ZFAT: variants seen among roughly 807,000 people sequenced by gnomAD.
ZFAT encodes zinc finger and AT-hook domain containing.
ZFAT carries 64 observed loss-of-function variants against 117.7 expected under a neutral mutation model. That is an observed-to-expected ratio of 0.54 (90% CI 0.44 to 0.67). The LOEUF (loss-of-function observed/expected upper bound fraction) is 0.67. Among genes scored for constraint, ZFAT ranks in the 30% least tolerant of loss-of-function variants. The pLI is 0.00. For missense variants in ZFAT, 1,433 were observed against 1,584.5 expected, an observed-to-expected ratio of 0.90 and a Z score of 1.62; for synonymous variants, 679 against 615.0, an observed-to-expected ratio of 1.10 and a Z score of -1.54.
intron 2 of ZFAT, among the ~76,000 whole-genome samples, chr8:134,648,034 T>C (rs529760836): frequency 6.6e-6 from 1 of 152,154 alleles, no homozygotes; most frequent in East Asian, 1.9e-4. Context: ...TCTTAAATGT[T>C]TTCACCACGT....
chr8:134,579,654 A>C lies in ZFAT; in HGVS notation c.2887+4178T>G, dbSNP rs193255743. On this transcript the variant is annotated intron_variant, in intron 10 of 15. Transcript: ENST00000377838. ...GCCATAAGACTGCGGGGATCACCTA[A>C]GGTGTCAAGAAAAAAAGAACACATG... Among the ~76,000 whole-genome samples, 1,320 of 152,304 alleles carry C rather than the reference A, an allele frequency of 8.7e-3. 12 individuals carry two copies. Among genetic ancestry groups the C allele is most frequent in the Middle Eastern group, 0.017 (5 of 294 alleles).
At chr8:134,515,085 T>C (rs541898695) in intron 13 of ZFAT, among the ~76,000 whole-genome samples, 4 of 152,314 alleles carry the variant, frequency 2.6e-5, no homozygotes, top group Admixed American at 2.6e-4. Context: ...TGTGTTAGTT[T>C]GCTGAGAATG....
At chr8:134,734,648 T>G in the ZFAT span, among the ~76,000 whole-genome samples, 1 of 152,048 alleles carries the variant, frequency 6.6e-6, no homozygotes, top group Non-Finnish European at 1.5e-5. Flanking sequence ...CCCCCAGAAT[T>G]AGGCTGGTGG....
chr8:134,492,242 T>C (rs532844663), intron 15 of ZFAT, among the ~76,000 whole-genome samples: 86 of 152,318 alleles, frequency 5.6e-4, no homozygotes, highest in Non-Finnish European at 1.0e-3. Context: ...TGGTCTCCAA[T>C]TCCTCTTCCT....
chr8:134,501,865 A>G (rs1819005086), intron 15 of ZFAT, among the ~76,000 whole-genome samples: 1 of 152,202 alleles, frequency 6.6e-6, no homozygotes, highest in Non-Finnish European at 1.5e-5. Flanking sequence ...GAAAAATGGG[A>G]TGGACTTCAC....
At chr8:134,500,215 C>T (rs531574639) in intron 15 of ZFAT, among the ~76,000 whole-genome samples, 23 of 152,328 alleles carry the variant, frequency 1.5e-4, no homozygotes, top group Middle Eastern at 6.8e-3. Flanking sequence ...AACCGACCTG[C>T]CTTGGCTAAG....
intron 10 of ZFAT, among the ~76,000 whole-genome samples, chr8:134,569,512 T>C (rs1183830816): frequency 6.6e-6 from 1 of 150,790 alleles, no homozygotes; most frequent in Non-Finnish European, 1.5e-5. Context: ...CAGAAAAGAC[T>C]GCCCAAGAAG....
the ZFAT span, among the ~76,000 whole-genome samples, chr8:134,771,696 T>C: frequency 6.6e-6 from 1 of 152,230 alleles, no homozygotes; most frequent in African/African-American, 2.4e-5. Context: ...AGTTCCAAAG[T>C]TGCTTCCACA....
intron 10 of ZFAT, among the ~76,000 whole-genome samples, chr8:134,571,110 A>T (rs1382430181): frequency 2.6e-5 from 4 of 152,200 alleles, no homozygotes; most frequent in Non-Finnish European, 5.9e-5. Flanking sequence ...ATGAGAGTGG[A>T]CAAGACAGCA....
At chr8:134,630,811 G>A (rs1411424494) in intron 3 of ZFAT, among the ~76,000 whole-genome samples, 1 of 152,174 alleles carries the variant, frequency 6.6e-6, no homozygotes, top group Non-Finnish European at 1.5e-5. Context: ...AACTTGCCAT[G>A]GTTCAGGGTA....
chr8:134,658,965 G>A (rs544207621), intron 1 of ZFAT, among the ~76,000 whole-genome samples: 11 of 152,312 alleles, frequency 7.2e-5, no homozygotes, highest in East Asian at 1.9e-4. Flanking sequence ...CTGACTCGGC[G>A]CAACTCTGCA....
At chr8:134,630,628 A>G (rs1829821843) in intron 3 of ZFAT, among the ~76,000 whole-genome samples, 1 of 152,244 alleles carries the variant, frequency 6.6e-6, no homozygotes, top group African/African-American at 2.4e-5. Flanking sequence ...AAAAGTTCAG[A>G]AGTCACTTTT....
chr8:134,525,761 C>T (rs1377111131), intron 12 of ZFAT, among the ~76,000 whole-genome samples: 2 of 152,164 alleles, frequency 1.3e-5, no homozygotes, highest in Non-Finnish European at 2.9e-5. Flanking sequence ...AGGAGGGCAC[C>T]GAGGCAGAAG....
intron 2 of ZFAT, among the ~76,000 whole-genome samples, chr8:134,650,251 G>A (rs572312540): frequency 6.8e-4 from 103 of 151,086 alleles, no homozygotes; most frequent in African/African-American, 2.4e-3. Flanking sequence ...TCAGCCTCCC[G>A]AGAAGCTGGG....
chr8:134,688,756 C>T (rs1216459587), intron 1 of ZFAT, among the ~76,000 whole-genome samples: 2 of 152,126 alleles, frequency 1.3e-5, no homozygotes, highest in South Asian at 2.1e-4. Context: ...AAATTCTACC[C>T]GCATTTTCTA....
At chr8:134,594,651 G>C (rs942060898) in intron 7 of ZFAT, among the ~76,000 whole-genome samples, 1 of 152,104 alleles carries the variant, frequency 6.6e-6, no homozygotes, top group African/African-American at 2.4e-5. Flanking sequence ...AATTACTCTG[G>C]ACAGGCCCCT....
chr8:134,769,301 C>G, the ZFAT span, among the ~76,000 whole-genome samples: 2 of 152,294 alleles, frequency 1.3e-5, no homozygotes, highest in African/African-American at 4.8e-5. Context: ...GGGGGTATAG[C>G]CATTGGGTAA....
chr8:134,602,495 G>A lies in ZFAT; in HGVS notation c.1224C>T (p.Ile408=), dbSNP rs780002361. 122 of 1,613,778 alleles carry A rather than the reference G, an allele frequency of 7.6e-5. 2 individuals carry two copies. The South Asian group carries it at 1.3e-3, about 17-fold the overall frequency. Residue 408 remains isoleucine, a synonymous_variant, in exon 6 of 16, where the codon ATC becomes ATT. Coordinates refer to ENST00000377838, the MANE Select transcript of ZFAT (RefSeq NM_020863.4). The part of the protein sequence containing the change: ...GKRQLLYDCH[I]CERKFKNELD... The stretch of plus-strand genomic sequence containing the variant: ...GCTCGTTCTTGAACTTGCGCTCACA[G>A]ATGTGGCAGTCATAGAGCAGCTGCC...
chr8:134,798,849 C>CTA, the ZFAT span, among the ~76,000 whole-genome samples: 2 of 152,190 alleles, frequency 1.3e-5, no homozygotes, highest in East Asian at 3.9e-4. Flanking sequence ...AAGAAAAATT[C>CTA]TATATTTTAT....
Sources: allele counts gnomAD v4.1 joint callset (sites outside exome capture counted in the v4.1 genomes callset), GRCh38; gene constraint gnomAD v4.1.1; transcripts MANE v1.5; gene names NCBI Gene and HGNC (gene_info 2026-07-23, HGNC 2026-07-21).